The following CHMP6 variants were observed in gnomAD, a reference collection of about 807,000 sequenced individuals.
CHMP6 encodes chromatin-modifying protein 6.
Under a neutral mutation model 32.8 loss-of-function variants are expected in CHMP6, and 10 were observed. The ratio of observed to expected loss-of-function variants is 0.30; its 90% CI spans 0.19 to 0.52. CHMP6 has a LOEUF of 0.52. CHMP6 is among the 20% of genes least tolerant of loss of function. The pLI is 0.97. For missense variants in CHMP6, 269 were observed against 263.8 expected, an observed-to-expected ratio of 1.02 and a Z score of -0.14; for synonymous variants, 123 against 105.8, an observed-to-expected ratio of 1.16 and a Z score of -1.00.
intron 7 of CHMP6, 38 bp downstream of exon 7, chr17:80,998,458 C>G: frequency 6.2e-7 from 1 of 1,613,950 alleles, no homozygotes; most frequent in Non-Finnish European, 8.5e-7. Context: ...GGTTGGAATT[C>G]GCAGGAGAAA....
chr17:80,999,360 C>T lies in CHMP6; in HGVS notation c.*207C>T, dbSNP rs1455531454. 9 of 563,990 alleles carry T rather than the reference C, an allele frequency of 1.6e-5. No individual in the cohort carries two copies. The highest frequency in any genetic ancestry group is 4.7e-4 in the Middle Eastern group (1 of 2,108). The allele number at this position is 563,990 out of a possible 1,614,324, so 34.9% of individuals were successfully genotyped here. On this transcript the variant is annotated 3_prime_UTR_variant, in exon 8 of 8. Coordinates refer to ENST00000325167, the MANE Select transcript of CHMP6 (RefSeq NM_024591.5). ...CTGAACGCACTCAGGCGCCACTGGC[C>T]TGCTCTCAGTCCGGATTAACTCTCG...
intron 5 of CHMP6, 25 bp from the exon 6 acceptor site, chr17:80,997,236 C>T (rs1486838254): frequency 1.5e-5 from 25 of 1,613,346 alleles, no homozygotes; most frequent in Non-Finnish European, 2.1e-5. Flanking sequence ...CCTCGCTGCT[C>T]TCACCACCGC....
chr17:80,998,248 C>A, intron 6 of CHMP6, 118 bp from the exon 7 acceptor site: 1 of 1,202,020 alleles, frequency 8.3e-7, no homozygotes, highest in Non-Finnish European at 1.2e-6. Context: ...ACGTTCCTGT[C>A]CGCTTTAACT....
rs1331985193 is a variant in CHMP6 at position 80,996,998 on chromosome 17, C to T, written c.349-9C>T. Reference sequence around the variant, plus strand: ...GACAGGGGTCAACACCCATCACCCTCGTCCACAGGTGATGTCCATTGAAGA... The same window carrying T: ...GACAGGGGTCAACACCCATCACCCTTGTCCACAGGTGATGTCCATTGAAGA... On this transcript the variant is annotated splice_polypyrimidine_tract_variant and intron_variant, in intron 4 of 7. Transcript: ENST00000325167. 3.7e-6 allele frequency: 6 copies of T among 1,611,922 alleles called. No homozygotes were observed. In the Admixed American group the frequency reaches 5.0e-5, roughly 13 times the overall value.
chr17:80,999,031 G>T lies in CHMP6; in HGVS notation c.551-67G>T. 3 of 1,591,630 alleles carry T rather than the reference G, an allele frequency of 1.9e-6. No homozygotes were observed. The South Asian group carries it at 3.3e-5, about 18-fold the overall frequency. The stretch of plus-strand genomic sequence containing the variant: ...TGGCCCTTGCCACCCCTGTGGCCTC[G>T]TCCCTCTCTGGAGGTCTCTGCCTGT... On this transcript the variant is annotated intron_variant, in intron 7 of 7. Coordinates refer to ENST00000325167, the MANE Select transcript of CHMP6 (RefSeq NM_024591.5).
At chr17:80,996,031 G>T (rs1391096678) in intron 4 of CHMP6, among the ~76,000 whole-genome samples, 1 of 152,090 alleles carries the variant, frequency 6.6e-6, no homozygotes, top group Non-Finnish European at 1.5e-5. Flanking sequence ...ATCACAGAAG[G>T]CTTCCTGGAG....
Position 80,995,037 on chromosome 17 carries a change from CAAG to C in CHMP6, c.199_201del (p.Lys67del), listed in dbSNP as rs1309386197. The C allele has an allele frequency of 3.8e-6, 6 of 1,598,638 alleles. No individual in the cohort carries two copies. The highest frequency in any genetic ancestry group is 2.7e-5 in the African/African-American group (2 of 74,808). On this transcript the variant is annotated inframe_deletion, in exon 3 of 8. Transcript: ENST00000325167. ...TCTGCAGACGGGCCAAGCTGCTGCT[CAAG>C]AAGAAGCGATACCAGGAGCAGCTCC...
At chr17:80,992,685 G>A (rs536766878) in intron 1 of CHMP6, among the ~76,000 whole-genome samples, 1 of 152,334 alleles carries the variant, frequency 6.6e-6, no homozygotes, top group East Asian at 1.9e-4. Context: ...AGCCGGGCCG[G>A]TGGTGGTGCC....
At position 80,997,091 on chromosome 17, in the gene CHMP6, G is replaced by A. The variant is rs114525609; in HGVS notation, c.414+19G>A. On this transcript the variant is annotated intron_variant, in intron 5 of 7. Transcript: ENST00000325167. The stretch of plus-strand genomic sequence containing the variant: ...CCAGCGGGTAGGTGGCACCCTGACC[G>A]GCCTGCCCCCAACTGTGAGAACCCA... 9.9e-4 allele frequency: 1,598 copies of A among 1,612,362 alleles called. 12 individuals are homozygous for A. In the African/African-American group the frequency reaches 0.019, roughly 19 times the overall value.
chr17:80,999,411 G>A lies in CHMP6; in HGVS notation c.*258G>A, dbSNP rs2069666781. On this transcript the variant is annotated 3_prime_UTR_variant, in exon 8 of 8. Transcript: ENST00000325167. ...ACCGAGCCCAGCTTCTGCCGGTTGT[G>A]GGCTCCCCCGGTGGCCGAGGCCCAG... The A allele has an allele frequency of 6.3e-6, 3 of 476,732 alleles. No individual in the cohort carries two copies. The Admixed American group carries it at 1.1e-4, about 17-fold the overall frequency. The allele number at this position is 476,732 out of a possible 1,614,324, so 29.5% of individuals were successfully genotyped here. A position where few individuals can be genotyped will look rare whatever the true frequency, so the allele number is the denominator to read the frequency against.
In CHMP6 at chr17:80,999,649, G is replaced by C. The variant is rs2069669231; in HGVS notation, c.*496G>C. 6.3e-6 allele frequency: 1 copy of C among 158,686 alleles called. No homozygotes were observed. 9.8% of individuals were successfully genotyped at this position (158,686 alleles called of 1,614,324 possible). A position where few individuals can be genotyped will look rare whatever the true frequency, so the allele number is the denominator to read the frequency against. On this transcript the variant is annotated 3_prime_UTR_variant, in exon 8 of 8. Coordinates refer to ENST00000325167, the MANE Select transcript of CHMP6 (RefSeq NM_024591.5). ...TCCCTGCTGGTGGGGGGATCCCCAG[G>C]AGACCAGCATGTGCTGAACCTCTCT...
chr17:80,996,817 A>C (rs1291192856), intron 4 of CHMP6, among the ~76,000 whole-genome samples, 190 bp from the exon 5 acceptor site: 1 of 152,150 alleles, frequency 6.6e-6, no homozygotes, highest in Non-Finnish European at 1.5e-5. Context: ...GGTGGCATGC[A>C]CCTGTAGTCC....
intron 4 of CHMP6, among the ~76,000 whole-genome samples, chr17:80,996,731 C>G (rs572307225): frequency 1.2e-3 from 178 of 152,350 alleles, no homozygotes; most frequent in Non-Finnish European, 1.8e-3. Context: ...CAAACGGCCC[C>G]TGTGGCCTCA....
intron 1 of CHMP6, among the ~76,000 whole-genome samples, chr17:80,993,609 T>A (rs560591887): frequency 3.2e-4 from 49 of 152,334 alleles, no homozygotes; most frequent in African/African-American, 1.2e-3. Flanking sequence ...CCATAATCCC[T>A]GTGCCTGCAC....
chr17:80,995,268 C>A (rs1417342913), intron 3 of CHMP6, among the ~76,000 whole-genome samples, 162 bp downstream of exon 3: 1 of 152,160 alleles, frequency 6.6e-6, no homozygotes, highest in Non-Finnish European at 1.5e-5. Flanking sequence ...CCCGGGGAGT[C>A]TGCCAGGAAG....
rs779819555 is a variant in CHMP6, at chr17:80,999,107, C to T, written c.560C>T (p.Pro187Leu). ...TCTGTTTCCTCCACAGAAAACGTCCCTGTCAAGGCCAGGCCCAGGCAGGCG... is the reference window on the plus strand; with the variant it reads ...TCTGTTTCCTCCACAGAAAACGTCCTTGTCAAGGCCAGGCCCAGGCAGGCG... ...PLPEKIPENV[P>L]VKARPRQAEL... The change falls in exon 8 of 8, where the codon CCT (proline) becomes CTT (leucine). Residue 187 changes from proline (P) to leucine (L), a missense_variant. Coordinates refer to ENST00000325167, the MANE Select transcript of CHMP6 (RefSeq NM_024591.5). 4 of 1,613,940 alleles carry T rather than the reference C, an allele frequency of 2.5e-6. No individual in the cohort carries two copies. The South Asian group carries it at 3.3e-5, about 13-fold the overall frequency.
intron 1 of CHMP6, among the ~76,000 whole-genome samples, chr17:80,993,354 C>T (rs1207658839): frequency 6.6e-6 from 1 of 152,142 alleles, no homozygotes; most frequent in South Asian, 2.1e-4. Flanking sequence ...AGGGGGGCAG[C>T]CTGGCCACAC....
intron 3 of CHMP6, 131 bp downstream of exon 3, chr17:80,995,237 G>T (rs950825839): frequency 7.1e-6 from 6 of 846,186 alleles, no homozygotes; most frequent in Non-Finnish European, 1.1e-5. Flanking sequence ...AAGCTGACCT[G>T]AAGAGGGGCG....
In CHMP6 at chr17:80,997,301, A is replaced by G. The variant is rs2069646208; in HGVS notation, c.455A>G (p.Asp152Gly). The G allele has an allele frequency of 2.5e-6, 4 of 1,610,984 alleles. No individual in the cohort carries two copies. The African/African-American group carries it at 4.0e-5, about 16-fold the overall frequency. Reference protein sequence around the residue: ...ELLAGSFTQEDEDAILEELSA... With the variant: ...ELLAGSFTQEGEDAILEELSA... ...CTGGCAGGAAGCTTCACTCAGGAGG[A>G]TGAAGACGCCATCCTGGAGGAGCTG... The change falls in exon 6 of 8, where the codon GAT becomes GGT. Residue 152 changes from aspartate to glycine, a missense_variant. Physicochemically the swap from Asp to Gly is moderately conservative, Grantham distance 94. Coordinates refer to ENST00000325167, the MANE Select transcript of CHMP6 (RefSeq NM_024591.5).
Sources: allele counts gnomAD v4.1 joint callset (sites outside exome capture counted in the v4.1 genomes callset), GRCh38; gene constraint gnomAD v4.1.1; transcripts MANE v1.5; gene names NCBI Gene and HGNC (gene_info 2026-07-23, HGNC 2026-07-21).